Variants in CADM2 observed in about 807,000 individuals in gnomAD.
The protein encoded by CADM2 is cell adhesion molecule 2.
CADM2 carries 12 observed loss-of-function variants against 49.8 expected under a neutral mutation model. The ratio of observed to expected loss-of-function variants is 0.24; its 90% CI spans 0.15 to 0.39. CADM2 has a LOEUF of 0.39. Among genes scored for constraint, CADM2 ranks in the 10% least tolerant of loss-of-function variants. The pLI is 1.00. For missense variants in CADM2, 378 were observed against 492.3 expected, an observed-to-expected ratio of 0.77 and a Z score of 2.20; for synonymous variants, 214 against 175.4, an observed-to-expected ratio of 1.22 and a Z score of -1.74.
chr3:85,048,847 A>G lies in CADM2; in HGVS notation c.61+89179A>G, dbSNP rs17022372. ...GGTCCAAAGTTTGGTATAGACTGGA[A>G]ACAGAAAATACAGAATGCACAATGA... On this transcript the variant is annotated intron_variant, in intron 1 of 9. Coordinates refer to ENST00000383699, the MANE Select transcript of CADM2 (RefSeq NM_001167675.2). Among the ~76,000 whole-genome samples the G allele has an allele frequency of 7.5e-3, 1,141 of 152,300 alleles. 15 individuals carry two copies. The highest frequency in any genetic ancestry group is 0.025 in the African/African-American group (1,035 of 41,572).
At chr3:85,281,031 C>A (rs2043486928) in intron 1 of CADM2, among the ~76,000 whole-genome samples, 2 of 151,752 alleles carry the variant, frequency 1.3e-5, no homozygotes, top group Admixed American at 1.3e-4. Context: ...CTTAAATAAT[C>A]TCAACATCTA....
intron 1 of CADM2, among the ~76,000 whole-genome samples, chr3:85,034,859 A>C (rs1308503177): frequency 7.4e-6 from 1 of 135,570 alleles, no homozygotes; most frequent in Non-Finnish European, 1.5e-5. Flanking sequence ...GCTGTAGTGC[A>C]GGGCACGATT....
chr3:85,548,514 C>T (rs781401941), intron 1 of CADM2, among the ~76,000 whole-genome samples: 5 of 149,622 alleles, frequency 3.3e-5, no homozygotes, highest in Non-Finnish European at 5.9e-5. Context: ...AGCCTAGAGT[C>T]CCAGAGTTCC....
intron 1 of CADM2, among the ~76,000 whole-genome samples, chr3:85,427,183 TA>T (rs1241112541): frequency 9.1e-5 from 13 of 142,122 alleles, no homozygotes; most frequent in African/African-American, 2.9e-4. Flanking sequence ...TATATATATA[TA>T]TATATATATA....
intron 1 of CADM2, among the ~76,000 whole-genome samples, chr3:85,343,522 C>G (rs1418597188): frequency 6.6e-6 from 1 of 152,082 alleles, no homozygotes. Context: ...ACTCATTTCA[C>G]CCTTTGAAAT....
chr3:86,063,614 G>A (rs1349361387), intron 8 of CADM2, among the ~76,000 whole-genome samples: 2 of 152,150 alleles, frequency 1.3e-5, no homozygotes, highest in African/African-American at 4.8e-5. Flanking sequence ...CATTCAGCAA[G>A]TTTAGGTGTC....
intron 1 of CADM2, among the ~76,000 whole-genome samples, chr3:85,429,215 C>A (rs553538341): frequency 4.6e-4 from 70 of 152,086 alleles, no homozygotes; most frequent in African/African-American, 1.7e-3. Context: ...TTAGAAAGGT[C>A]TAATAATCTG....
chr3:85,512,753 G>A (rs1019101512), intron 1 of CADM2, among the ~76,000 whole-genome samples: 2 of 151,442 alleles, frequency 1.3e-5, no homozygotes, highest in African/African-American at 4.8e-5. Context: ...TGAACAGTTT[G>A]TAAAGATCAT....
chr3:85,972,451 C>T (rs935607296), intron 8 of CADM2, among the ~76,000 whole-genome samples: 1 of 151,668 alleles, frequency 6.6e-6, no homozygotes, highest in Non-Finnish European at 1.5e-5. Context: ...CTGGGACCAC[C>T]CCTGGGGGAG....
At chr3:85,809,746 C>G (rs1268127091) in intron 3 of CADM2, among the ~76,000 whole-genome samples, 5 of 115,116 alleles carry the variant, frequency 4.3e-5, no homozygotes, top group African/African-American at 1.9e-4. Flanking sequence ...CCTCCCTCCT[C>G]TCTCCCTCCC....
At chr3:84,985,364 C>T (rs2032492505) in intron 1 of CADM2, among the ~76,000 whole-genome samples, 1 of 151,930 alleles carries the variant, frequency 6.6e-6, no homozygotes, top group Non-Finnish European at 1.5e-5. Context: ...GTTCATTAAA[C>T]CTAAGTAATA....
intron 1 of CADM2, among the ~76,000 whole-genome samples, chr3:85,078,982 G>T (rs1274166962): frequency 1.3e-5 from 2 of 151,604 alleles, no homozygotes; most frequent in African/African-American, 4.8e-5. Context: ...CATTATAAGT[G>T]ATCTCATTTT....
chr3:85,363,601 CTTTAT>C (rs778181884), intron 1 of CADM2, among the ~76,000 whole-genome samples: 3 of 151,992 alleles, frequency 2.0e-5, no homozygotes, highest in Non-Finnish European at 4.4e-5. Flanking sequence ...GATTTGATAT[CTTTAT>C]TTTATTTTAT....
chr3:85,963,122 A>AT (rs1421517696), intron 8 of CADM2, among the ~76,000 whole-genome samples: 1 of 151,864 alleles, frequency 6.6e-6, no homozygotes, highest in Non-Finnish European at 1.5e-5. Context: ...CAGTTTTCCT[A>AT]TTTTCAAGTT....
chr3:85,099,713 G>A (rs970489074), intron 1 of CADM2, among the ~76,000 whole-genome samples: 4 of 151,992 alleles, frequency 2.6e-5, no homozygotes, highest in South Asian at 2.1e-4. Context: ...CAGGTGATCC[G>A]CCCGCCTCAG....
chr3:85,970,145 G>C lies in CADM2; in HGVS notation c.970+8498G>C, dbSNP rs531999858. 2.0e-5 allele frequency among the ~76,000 whole-genome samples: 3 copies of C among 149,930 alleles called. No homozygotes were observed. The South Asian group carries it at 6.3e-4, about 31-fold the overall frequency. On this transcript the variant is annotated intron_variant, in intron 8 of 9. Transcript: ENST00000383699. ...TTACTTAGCAACCCAGGTGAAATGT[G>C]CCTTACTTATAGAATTAAGTGATTC...
chr3:85,154,431 G>A (rs186140823), intron 1 of CADM2, among the ~76,000 whole-genome samples: 152 of 152,184 alleles, frequency 1.0e-3, no homozygotes, highest in South Asian at 3.7e-3. Context: ...AAGAAATATG[G>A]GACTATGTGA....
intron 1 of CADM2, among the ~76,000 whole-genome samples, chr3:85,416,772 T>C (rs886118149): frequency 4.6e-5 from 7 of 152,176 alleles, no homozygotes; most frequent in African/African-American, 1.4e-4. Context: ...CACATATGTA[T>C]GAAATATGGA....
At chr3:85,294,840 G>A (rs903622543) in intron 1 of CADM2, among the ~76,000 whole-genome samples, 7 of 152,140 alleles carry the variant, frequency 4.6e-5, no homozygotes, top group Non-Finnish European at 8.8e-5. Flanking sequence ...AAAAACCCTA[G>A]AAGAATACCT....
Sources: gnomAD v4.1 joint callset for allele counts (sites outside exome capture counted in the v4.1 genomes callset) on GRCh38, gnomAD v4.1.1 for gene constraint, MANE v1.5 for transcripts, NCBI Gene and HGNC (gene_info 2026-07-23, HGNC 2026-07-21) for gene names.